The following VAV3 variants were observed in gnomAD, a reference collection of about 807,000 sequenced individuals.
VAV3 encodes the protein vav guanine nucleotide exchange factor 3, also known as guanine nucleotide exchange factor VAV3.
Under a neutral mutation model 131.2 loss-of-function variants are expected in VAV3, and 94 were observed. The ratio of observed to expected loss-of-function variants is 0.72; its 90% CI spans 0.61 to 0.85. The LOEUF is 0.85. Among genes scored for constraint, VAV3 ranks in the 40% least tolerant of loss-of-function variants. The pLI is 0.00. For synonymous variants in VAV3, 349 were observed against 342.0 expected, an observed-to-expected ratio of 1.02 and a Z score of -0.22; for missense variants, 939 against 1,002.7, an observed-to-expected ratio of 0.94 and a Z score of 0.86.
chr1:107,597,072 GAAT>G (rs1437123630), intron 24 of VAV3, among the ~76,000 whole-genome samples: 8 of 152,216 alleles, frequency 5.3e-5, no homozygotes, highest in African/African-American at 9.6e-5. Context: ...AACTGAAACT[GAAT>G]AATAATTCAC....
intron 2 of VAV3, among the ~76,000 whole-genome samples, chr1:107,832,896 T>C (rs1668314255): frequency 6.6e-6 from 1 of 152,228 alleles, no homozygotes; most frequent in African/African-American, 2.4e-5. Context: ...GAAAAAGGTC[T>C]ATGATTCAAA....
intron 20 of VAV3, among the ~76,000 whole-genome samples, chr1:107,642,256 G>A (rs758737796): frequency 3.3e-5 from 5 of 152,038 alleles, no homozygotes; most frequent in African/African-American, 9.7e-5. Flanking sequence ...TAAAGAAGCC[G>A]GCTAAATCCT....
chr1:107,965,020 C>T lies in VAV3; in HGVS notation c.-151G>A. On this transcript the variant is annotated 5_prime_UTR_variant, in exon 1 of 27. Coordinates refer to ENST00000370056, the MANE Select transcript of VAV3 (RefSeq NM_006113.5). The stretch of plus-strand genomic sequence containing the variant: ...TCGAGGGAGCAGGAGCCGCGGCTGA[C>T]GGGTCGCGGGCGCCGCGCTAGGCTC... 6.0e-6 allele frequency: 3 copies of T among 499,486 alleles called. No individual in the cohort carries two copies. The highest frequency in any genetic ancestry group is 8.1e-6 in the Non-Finnish European group (3 of 371,894). 30.9% of individuals were successfully genotyped at this position (499,486 alleles called of 1,614,324 possible).
intron 1 of VAV3, among the ~76,000 whole-genome samples, chr1:107,903,923 G>A (rs897609636): frequency 2.6e-5 from 4 of 151,896 alleles, no homozygotes; most frequent in Non-Finnish European, 4.4e-5. Context: ...ACCCTCTGCC[G>A]CCTGCCTCAT....
intron 4 of VAV3, among the ~76,000 whole-genome samples, chr1:107,776,237 G>T (rs1415697475): frequency 1.3e-5 from 2 of 152,186 alleles, no homozygotes; most frequent in Non-Finnish European, 2.9e-5. Context: ...AATACTTATT[G>T]AGTACCTACT....
intron 19 of VAV3, among the ~76,000 whole-genome samples, chr1:107,681,134 C>A (rs896035050): frequency 3.3e-5 from 5 of 152,076 alleles, no homozygotes; most frequent in African/African-American, 9.7e-5. Flanking sequence ...AGTAGTTACA[C>A]CCGGCCTCCT....
intron 5 of VAV3, among the ~76,000 whole-genome samples, chr1:107,771,213 A>G (rs1405857295): frequency 6.6e-6 from 1 of 151,690 alleles, no homozygotes; most frequent in South Asian, 2.1e-4. Context: ...AAGATTCTGG[A>G]ATCTGATGGA....
chr1:107,658,137 AAC>A (rs1455169940), intron 19 of VAV3, among the ~76,000 whole-genome samples: 4 of 152,238 alleles, frequency 2.6e-5, no homozygotes, highest in African/African-American at 9.6e-5. Flanking sequence ...TTCAACGTGA[AAC>A]ACACAATAAT....
At chr1:107,586,671 T>C (rs189760898) in intron 25 of VAV3, among the ~76,000 whole-genome samples, 20 of 151,916 alleles carry the variant, frequency 1.3e-4, no homozygotes, top group African/African-American at 4.6e-4. Context: ...TTAATTATTT[T>C]GAAAAAGAAA....
At chr1:107,643,177 T>C (rs1481469755) in intron 19 of VAV3, among the ~76,000 whole-genome samples, 1 of 152,194 alleles carries the variant, frequency 6.6e-6, no homozygotes, top group Non-Finnish European at 1.5e-5. Flanking sequence ...TTTCTGTGTA[T>C]GTATCACATT....
chr1:107,785,477 G>T, intron 2 of VAV3: 1 of 1,325,544 alleles, frequency 7.5e-7, no homozygotes, highest in South Asian at 1.2e-5. Context: ...GGCTCTGCAA[G>T]GGCAATCAGG....
chr1:107,573,508 G>T, intron 26 of VAV3, 136 bp from the exon 27 acceptor site: 1 of 969,390 alleles, frequency 1.0e-6, no homozygotes, highest in South Asian at 1.7e-5. Context: ...TGAGAAGATT[G>T]GTTTAACTGC....
chr1:107,873,519 A>C (rs1670344510), intron 2 of VAV3, among the ~76,000 whole-genome samples: 1 of 152,172 alleles, frequency 6.6e-6, no homozygotes, highest in South Asian at 2.1e-4. Context: ...AAAGAAAAAT[A>C]AAACCAGAAA....
At chr1:107,898,751 A>T (rs901587287) in intron 1 of VAV3, among the ~76,000 whole-genome samples, 2 of 152,226 alleles carry the variant, frequency 1.3e-5, no homozygotes, top group African/African-American at 4.8e-5. Context: ...ATCCCATAAA[A>T]TATGTAAGTA....
intron 17 of VAV3, among the ~76,000 whole-genome samples, chr1:107,689,244 G>A (rs1659249630): frequency 6.6e-6 from 1 of 152,064 alleles, no homozygotes; most frequent in South Asian, 2.1e-4. Flanking sequence ...ATCATCATAA[G>A]CCCAGGCCTA....
intron 1 of VAV3, 90 bp downstream of exon 1, chr1:107,964,576 C>T: frequency 1.4e-6 from 2 of 1,416,580 alleles, no homozygotes; most frequent in South Asian, 1.3e-5. Flanking sequence ...GCTCAGCGCA[C>T]CTAGACGTTT....
intron 2 of VAV3, among the ~76,000 whole-genome samples, chr1:107,819,186 C>A (rs1171404668): frequency 1.3e-5 from 2 of 152,150 alleles, no homozygotes; most frequent in Non-Finnish European, 2.9e-5. Context: ...TTTTCCCCTT[C>A]CAATTATATC....
At chr1:107,686,205 G>A (rs539978033) in intron 18 of VAV3, among the ~76,000 whole-genome samples, 3 of 152,118 alleles carry the variant, frequency 2.0e-5, no homozygotes, top group East Asian at 1.9e-4. Context: ...GGAACTTTCC[G>A]AAGGTCCACT....
At chr1:107,768,327 G>T in intron 7 of VAV3, 114 bp downstream of exon 7, 1 of 715,176 alleles carries the variant, frequency 1.4e-6, no homozygotes, top group East Asian at 3.1e-5. Context: ...AATAAATAAG[G>T]CCAATATTCT....
Sources: gnomAD v4.1 joint callset for allele counts (sites outside exome capture counted in the v4.1 genomes callset) on GRCh38, gnomAD v4.1.1 for gene constraint, MANE v1.5 for transcripts, NCBI Gene and HGNC (gene_info 2026-07-23, HGNC 2026-07-21) for gene names.